PRKCE: variants seen among roughly 807,000 people sequenced by gnomAD.
PRKCE encodes the protein protein kinase C epsilon.
In PRKCE, 16 loss-of-function variants were observed where a neutral mutation model predicts 85.4. The observed-to-expected ratio is 0.19, with a 90% CI of 0.13 to 0.28. The LOEUF is 0.28. Among genes scored for constraint, PRKCE ranks in the 10% least tolerant of loss-of-function variants. The pLI is 1.00. For synonymous variants in PRKCE, 388 were observed against 371.5 expected (o/e 1.04, Z -0.51); for missense variants, 573 against 975.2 (o/e 0.59, Z 5.49).
At chr2:45,768,866 G>C (rs1366367879) in intron 1 of PRKCE, among the ~76,000 whole-genome samples, 1 of 152,198 alleles carries the variant, frequency 6.6e-6, no homozygotes, top group Non-Finnish European at 1.5e-5. Context: ...CCACCTTGCA[G>C]TAGGCTACTG....
At chr2:45,658,224 C>T (rs750677407) in intron 1 of PRKCE, among the ~76,000 whole-genome samples, 3 of 152,094 alleles carry the variant, frequency 2.0e-5, no homozygotes, top group African/African-American at 4.8e-5. Flanking sequence ...TCCCCTACTC[C>T]CATAATACCA....
intron 11 of PRKCE, among the ~76,000 whole-genome samples, chr2:46,116,043 T>C (rs1672736121): frequency 6.6e-6 from 1 of 152,224 alleles, no homozygotes; most frequent in South Asian, 2.1e-4. Flanking sequence ...ATGATCATTT[T>C]CCCAGTGGCT....
At chr2:45,763,277 G>T (rs1301884832) in intron 1 of PRKCE, among the ~76,000 whole-genome samples, 1 of 152,102 alleles carries the variant, frequency 6.6e-6, no homozygotes, top group African/African-American at 2.4e-5. Context: ...TCTTTGGCCA[G>T]TCTACATCTT....
Position 45,882,019 on chromosome 2 carries a change from C to T in PRKCE, c.412+38956C>T, listed in dbSNP as rs74684800. Among the ~76,000 whole-genome samples, 605 of 152,218 alleles carry T rather than the reference C, an allele frequency of 4.0e-3. 10 individuals are homozygous for T. Among genetic ancestry groups the T allele is most frequent in the East Asian group, 0.028 (146 of 5,186 alleles). ...CGCTGATATGTCAGGTCTGACTGGC[C>T]AGGGGGGAAAGGTGTTTCTGTAGAA... is the stretch of plus-strand genomic sequence containing the variant. On this transcript the variant is annotated intron_variant, in intron 2 of 14. Transcript: ENST00000306156.
intron 1 of PRKCE, chr2:45,701,593 A>T (rs1678644922): frequency 6.6e-6 from 1 of 152,234 alleles, no homozygotes. Context: ...GGGAGAGCAC[A>T]GAGCTTACCA....
chr2:45,987,021 C>T (rs1402270148), intron 6 of PRKCE, among the ~76,000 whole-genome samples: 1 of 133,060 alleles, frequency 7.5e-6, no homozygotes, highest in Admixed American at 8.0e-5. Context: ...CCCTGATGAG[C>T]TGATGTCTGT....
intron 1 of PRKCE, among the ~76,000 whole-genome samples, chr2:45,790,763 G>T (rs1344835463): frequency 6.6e-6 from 1 of 152,340 alleles, no homozygotes; most frequent in East Asian, 1.9e-4. Flanking sequence ...CTGGGAAATT[G>T]ATTTGTGAAT....
At chr2:45,874,540 C>T (rs1694329399) in intron 2 of PRKCE, among the ~76,000 whole-genome samples, 1 of 152,240 alleles carries the variant, frequency 6.6e-6, no homozygotes, top group Non-Finnish European at 1.5e-5. Flanking sequence ...CCCAGACTCC[C>T]TGCCTCCTTC....
At chr2:46,124,845 C>T (rs542828743) in intron 11 of PRKCE, among the ~76,000 whole-genome samples, 16 of 152,204 alleles carry the variant, frequency 1.1e-4, no homozygotes, top group Non-Finnish European at 1.6e-4. Flanking sequence ...TATCACGTGC[C>T]CCAAAATAAC....
chr2:45,984,768 C>G lies in PRKCE; in HGVS notation c.823+88C>G. The G allele has an allele frequency of 2.6e-6, 4 of 1,512,636 alleles. No homozygotes were observed. In the South Asian group the frequency reaches 5.1e-5, roughly 19 times the overall value. The allele number at this position is 1,512,636 out of a possible 1,614,324, so 93.7% of individuals were successfully genotyped here. On this transcript the variant is annotated intron_variant, in intron 6 of 14. Transcript: ENST00000306156. The stretch of plus-strand genomic sequence containing the variant: ...TCCCTGCTTTATAAAAAACCCTTGT[C>G]TGATTCCAGATTTGGCCAAGAACTG...
At chr2:46,105,196 A>T (rs1574483246) in intron 11 of PRKCE, among the ~76,000 whole-genome samples, 1 of 151,998 alleles carries the variant, frequency 6.6e-6, no homozygotes, top group African/African-American at 2.4e-5. Context: ...TTTTTTTCTG[A>T]AATTATCAAA....
At chr2:45,868,319 CAAAAAAAAAAAAAA>C (rs371501864) in intron 2 of PRKCE, among the ~76,000 whole-genome samples, 3 of 35,998 alleles carry the variant, frequency 8.3e-5, no homozygotes, top group African/African-American at 3.2e-4. Context: ...CTTTCCTGTC[CAAAAAAAAAAAAAA>C]AAAAAAAAAC....
intron 1 of PRKCE, among the ~76,000 whole-genome samples, chr2:45,788,545 T>A (rs993397460): frequency 7.2e-5 from 11 of 152,240 alleles, no homozygotes; most frequent in South Asian, 6.2e-4. Context: ...ACACAGCCTC[T>A]CTCATCCTTT....
At chr2:45,842,486 A>G (rs963683313) in intron 1 of PRKCE, among the ~76,000 whole-genome samples, 1 of 152,178 alleles carries the variant, frequency 6.6e-6, no homozygotes, top group Non-Finnish European at 1.5e-5. Context: ...TATAAAGAAC[A>G]TGGGTTTCTC....
At chr2:45,678,449 A>T (rs562874197) in intron 1 of PRKCE, among the ~76,000 whole-genome samples, 68 of 152,352 alleles carry the variant, frequency 4.5e-4, no homozygotes, top group South Asian at 3.3e-3. Flanking sequence ...TGCTGTTGGC[A>T]AACTAAAAAT....
At chr2:45,775,063 G>A (rs545722816) in intron 1 of PRKCE, among the ~76,000 whole-genome samples, 1 of 152,328 alleles carries the variant, frequency 6.6e-6, no homozygotes. Flanking sequence ...CCCAAGGGGG[G>A]CCTTGAGGAA....
At chr2:46,142,767 C>G (rs543605589) in intron 11 of PRKCE, among the ~76,000 whole-genome samples, 61 of 152,340 alleles carry the variant, frequency 4.0e-4, no homozygotes, top group Non-Finnish European at 2.2e-4. Flanking sequence ...CCTTCTTTGC[C>G]CCACCTGAGG....
intron 1 of PRKCE, among the ~76,000 whole-genome samples, chr2:45,787,032 G>A (rs1219149519): frequency 6.6e-6 from 1 of 152,210 alleles, no homozygotes; most frequent in Non-Finnish European, 1.5e-5. Flanking sequence ...CTATGGGTTT[G>A]GGAATCTGCA....
At chr2:45,944,306 C>T (rs573308075) in intron 2 of PRKCE, among the ~76,000 whole-genome samples, 1 of 152,158 alleles carries the variant, frequency 6.6e-6, no homozygotes, top group Non-Finnish European at 1.5e-5. Flanking sequence ...CTCAGCGTCT[C>T]TCCAGCAGCA....
Sources: allele counts gnomAD v4.1 joint callset (sites outside exome capture counted in the v4.1 genomes callset), GRCh38; gene constraint gnomAD v4.1.1; transcripts MANE v1.5; gene names NCBI Gene and HGNC (gene_info 2026-07-23, HGNC 2026-07-21).